The following APBA1 variants were observed in gnomAD, a reference collection of about 807,000 sequenced individuals.
The protein encoded by APBA1 is amyloid beta precursor protein binding family A member 1.
Under a neutral mutation model 86.6 loss-of-function variants are expected in APBA1, and 55 were observed. The ratio of observed to expected loss-of-function variants is 0.64; its 90% CI spans 0.51 to 0.80. The LOEUF is 0.80. Ranked by LOEUF, APBA1 falls within the 30% of genes least tolerant of loss-of-function variation. The pLI, the probability that APBA1 is intolerant of heterozygous loss-of-function variation, is 0.00. For missense variants in APBA1, 1,090 were observed against 1,183.0 expected, an observed-to-expected ratio of 0.92 and a Z score of 1.15; for synonymous variants, 511 against 493.9, an observed-to-expected ratio of 1.03 and a Z score of -0.46.
intron 2 of APBA1, among the ~76,000 whole-genome samples, chr9:69,486,486 G>A (rs11138890): frequency 0.049 from 7,497 of 152,184 alleles, 318 homozygotes; most frequent in Admixed American, 0.11. Context: ...GAGAATGGGA[G>A]GAGGCAGATA....
chr9:69,596,882 G>A (rs1011716828), intron 1 of APBA1, among the ~76,000 whole-genome samples: 27 of 152,240 alleles, frequency 1.8e-4, no homozygotes, highest in African/African-American at 6.3e-4. Flanking sequence ...CAGATTAGAA[G>A]TGGATGTGAA....
chr9:69,476,079 C>G lies in APBA1; in HGVS notation c.1265G>C (p.Ser422Thr). 1 of 1,614,166 alleles carries G rather than the reference C, an allele frequency of 6.2e-7. No individual in the cohort carries two copies. Among genetic ancestry groups the G allele is most frequent in the Non-Finnish European group, 8.5e-7 (1 of 1,180,024 alleles). ...AESSSTSLHP[S>T]DPVEASTNKE... ...ATTAGTGGACGCTTCCACAGGGTCACTGGGGTGAAGAGATGTGCTTGATGA... is the reference window on the plus strand; with the variant it reads ...ATTAGTGGACGCTTCCACAGGGTCAGTGGGGTGAAGAGATGTGCTTGATGA... Residue 422 changes from serine to threonine, a missense_variant, in exon 3 of 13, where the codon AGT becomes ACT. Ser to Thr is a moderately conservative substitution (Grantham distance 58). Transcript: ENST00000265381.
At chr9:69,664,738 G>A (rs1172266038) in intron 1 of APBA1, among the ~76,000 whole-genome samples, 2 of 152,100 alleles carry the variant, frequency 1.3e-5, no homozygotes, top group Non-Finnish European at 2.9e-5. Flanking sequence ...AAACGCTCTT[G>A]TTGGAAAACT....
intron 2 of APBA1, among the ~76,000 whole-genome samples, chr9:69,495,984 A>G (rs1199316050): frequency 6.6e-6 from 1 of 152,122 alleles, no homozygotes; most frequent in East Asian, 1.9e-4. Context: ...CGACACCAAC[A>G]CAGAAAAGGG....
At chr9:69,585,670 C>T (rs1308369415) in intron 1 of APBA1, among the ~76,000 whole-genome samples, 2 of 152,140 alleles carry the variant, frequency 1.3e-5, no homozygotes, top group Non-Finnish European at 2.9e-5. Context: ...GTCCAGATCC[C>T]CTTGACTGTT....
At position 69,476,032 on chromosome 9, in the gene APBA1, C is replaced by T; in HGVS notation, c.1296+16G>A. The T allele has an allele frequency of 6.2e-7, 1 of 1,610,640 alleles. No homozygotes were observed. Among genetic ancestry groups the T allele is most frequent in the Non-Finnish European group, 8.5e-7 (1 of 1,176,978 alleles). The stretch of plus-strand genomic sequence containing the variant: ...CAAAATGGCCCAATGGCTTTGGTAA[C>T]AAAACAGCACCCTACCTCTTTATTA... On this transcript the variant is annotated intron_variant, in intron 3 of 12. Coordinates refer to ENST00000265381, the MANE Select transcript of APBA1 (RefSeq NM_001163.4).
chr9:69,491,042 T>C (rs1322644527), intron 2 of APBA1, among the ~76,000 whole-genome samples: 4 of 152,136 alleles, frequency 2.6e-5, no homozygotes. Context: ...TGGAAGTCAG[T>C]GTGGCGATTC....
At chr9:69,441,982 G>T (rs1450217763) in intron 10 of APBA1, among the ~76,000 whole-genome samples, 6 of 152,196 alleles carry the variant, frequency 3.9e-5, no homozygotes, top group African/African-American at 1.4e-4. Context: ...AGAAGCCCTG[G>T]TGTGCTCAGA....
chr9:69,602,157 T>G (rs899990985), intron 1 of APBA1, among the ~76,000 whole-genome samples: 3 of 152,244 alleles, frequency 2.0e-5, no homozygotes, highest in Non-Finnish European at 4.4e-5. Flanking sequence ...TGAGATATAA[T>G]TAACATTCCA....
At chr9:69,490,217 C>G (rs975166210) in intron 2 of APBA1, among the ~76,000 whole-genome samples, 3 of 151,792 alleles carry the variant, frequency 2.0e-5, no homozygotes, top group Non-Finnish European at 4.4e-5. Context: ...AGTAAACTAT[C>G]GCAAGGACAA....
chr9:69,612,113 G>A (rs886999996), intron 1 of APBA1, among the ~76,000 whole-genome samples: 2 of 151,910 alleles, frequency 1.3e-5, no homozygotes, highest in Non-Finnish European at 2.9e-5. Flanking sequence ...TGATAAGTAA[G>A]ACTAATATTG....
At chr9:69,460,022 G>A (rs1029053585) in intron 5 of APBA1, among the ~76,000 whole-genome samples, 18 of 152,196 alleles carry the variant, frequency 1.2e-4, no homozygotes, top group African/African-American at 4.3e-4. Context: ...TTGGGGTGGA[G>A]GAAGAACTGC....
At chr9:69,542,195 G>C (rs770557141) in intron 1 of APBA1, among the ~76,000 whole-genome samples, 1 of 152,072 alleles carries the variant, frequency 6.6e-6, no homozygotes, top group Non-Finnish European at 1.5e-5. Flanking sequence ...GCATACACTT[G>C]CCTCCCCCAC....
At chr9:69,651,996 A>G (rs1823513479) in intron 1 of APBA1, among the ~76,000 whole-genome samples, 1 of 152,218 alleles carries the variant, frequency 6.6e-6, no homozygotes. Flanking sequence ...GCCCTAATCC[A>G]ACATGACTGG....
At chr9:69,541,391 G>A (rs186214978) in intron 1 of APBA1, among the ~76,000 whole-genome samples, 275 of 151,918 alleles carry the variant, frequency 1.8e-3, no homozygotes, top group African/African-American at 5.8e-3. Flanking sequence ...TTTTGATAGC[G>A]GCCATCCTAA....
At chr9:69,604,320 G>C (rs1402992463) in intron 1 of APBA1, among the ~76,000 whole-genome samples, 1 of 144,488 alleles carries the variant, frequency 6.9e-6, no homozygotes, top group African/African-American at 2.6e-5. Context: ...ACATGAGTGT[G>C]GGCACACATG....
intron 8 of APBA1, among the ~76,000 whole-genome samples, chr9:69,453,368 A>C (rs1290633287): frequency 6.6e-6 from 1 of 152,218 alleles, no homozygotes; most frequent in African/African-American, 2.4e-5. Context: ...GACACAAAGG[A>C]ACCTCTCAAA....
chr9:69,497,808 C>T (rs909234443), intron 2 of APBA1, among the ~76,000 whole-genome samples: 3 of 152,108 alleles, frequency 2.0e-5, no homozygotes, highest in Non-Finnish European at 4.4e-5. Flanking sequence ...TTGGTTTCAT[C>T]GTCCATCGGT....
chr9:69,445,774 C>T (rs10120658), intron 10 of APBA1, among the ~76,000 whole-genome samples: 8,527 of 152,188 alleles, frequency 0.056, 809 homozygotes, highest in African/African-American at 0.19. Context: ...AAATTGATTT[C>T]CTGTAACCTG....
Sources: allele counts gnomAD v4.1 joint callset (sites outside exome capture counted in the v4.1 genomes callset), GRCh38; gene constraint gnomAD v4.1.1; transcripts MANE v1.5; gene names NCBI Gene and HGNC (gene_info 2026-07-23, HGNC 2026-07-21).